Variants in MEI4 observed in about 807,000 individuals in gnomAD.
MEI4 encodes the protein meiosis-specific protein MEI4.
MEI4 carries 27 observed loss-of-function variants against 31.4 expected under a neutral mutation model. The observed-to-expected ratio is 0.86, with a 90% confidence interval of 0.63 to 1.19. The LOEUF is 1.19. Ranked by LOEUF, MEI4 falls within the 50% of genes most tolerant of loss-of-function variation. The probability of loss-of-function intolerance (pLI) is 0.00; values close to 1 mark genes in which losing one functional copy is unlikely to be tolerated. For missense variants in MEI4, 329 were observed against 398.9 expected (o/e 0.82, Z 1.49); for synonymous variants, 122 against 145.4 (o/e 0.84, Z 1.16).
intron 3 of MEI4, among the ~76,000 whole-genome samples, chr6:77,818,527 G>C (rs564384306): frequency 6.6e-6 from 1 of 152,068 alleles, no homozygotes; most frequent in East Asian, 1.9e-4. Context: ...CCTGGTCTTT[G>C]TAAATATACA....
At chr6:77,911,666 A>G (rs901871398) in intron 4 of MEI4, among the ~76,000 whole-genome samples, 25 of 150,394 alleles carry the variant, frequency 1.7e-4, no homozygotes, top group Middle Eastern at 3.6e-3. Context: ...TATAGCTGCA[A>G]TAGTATTCCA....
At chr6:77,853,830 GT>G (rs1770689449) in intron 4 of MEI4, among the ~76,000 whole-genome samples, 1 of 152,160 alleles carries the variant, frequency 6.6e-6, no homozygotes. Flanking sequence ...TTAGAGATCT[GT>G]TTTTGATTAT....
At chr6:77,746,465 C>G (rs1279214920) in intron 2 of MEI4, among the ~76,000 whole-genome samples, 2 of 152,066 alleles carry the variant, frequency 1.3e-5, no homozygotes, top group African/African-American at 4.8e-5. Flanking sequence ...TGGCATTTAT[C>G]CTGCTTTCAC....
chr6:77,710,719 G>A (rs1766445095), intron 2 of MEI4, among the ~76,000 whole-genome samples: 1 of 152,074 alleles, frequency 6.6e-6, no homozygotes, highest in Non-Finnish European at 1.5e-5. Flanking sequence ...AATCATTTGG[G>A]GAGCTGTTAA....
At chr6:77,909,855 C>A (rs1264474645) in intron 4 of MEI4, among the ~76,000 whole-genome samples, 1 of 152,156 alleles carries the variant, frequency 6.6e-6, no homozygotes, top group Non-Finnish European at 1.5e-5. Context: ...AAAAGCTTAT[C>A]CACCATGATC....
rs533836201 is a variant in MEI4, at chr6:77,925,858, A to G, written c.*2512A>G. 4 of 149,428 alleles carry G rather than the reference A, an allele frequency of 2.7e-5. No individual in the cohort carries two copies. In the East Asian group the frequency reaches 7.8e-4, roughly 29 times the overall value. 9.3% of individuals were successfully genotyped at this position (149,428 alleles called of 1,614,324 possible). A position where few individuals can be genotyped will look rare whatever the true frequency, so the allele number is the denominator to read the frequency against. ...TATATGAATAAGTAATATTATACATATATATACGATATGTATAATAAATAC... is the reference window on the plus strand; with the variant it reads ...TATATGAATAAGTAATATTATACATGTATATACGATATGTATAATAAATAC... On this transcript the variant is annotated 3_prime_UTR_variant, in exon 5 of 5. Transcript: ENST00000684080.
At chr6:77,808,673 G>A (rs542361500) in intron 3 of MEI4, among the ~76,000 whole-genome samples, 4 of 152,214 alleles carry the variant, frequency 2.6e-5, no homozygotes, top group African/African-American at 9.6e-5. Flanking sequence ...GCTGTTTTGA[G>A]GGTGTCACAG....
At chr6:77,831,245 T>C (rs1047519169) in intron 4 of MEI4, among the ~76,000 whole-genome samples, 3 of 149,394 alleles carry the variant, frequency 2.0e-5, no homozygotes, top group African/African-American at 7.4e-5. Context: ...AAAAGACAAA[T>C]AGTAACAAAT....
At chr6:77,710,214 C>T (rs909642019) in intron 2 of MEI4, among the ~76,000 whole-genome samples, 1 of 152,024 alleles carries the variant, frequency 6.6e-6, no homozygotes, top group Non-Finnish European at 1.5e-5. Flanking sequence ...TTCCGGCAGG[C>T]CTGTAGTAGT....
chr6:77,823,129 C>G (rs2127709294), intron 3 of MEI4, among the ~76,000 whole-genome samples: 1 of 152,094 alleles, frequency 6.6e-6, no homozygotes, highest in South Asian at 2.1e-4. Context: ...ATAATCTCCT[C>G]CCTTACAGGG....
chr6:77,859,037 A>T (rs1349548198), intron 4 of MEI4, among the ~76,000 whole-genome samples: 1 of 151,996 alleles, frequency 6.6e-6, no homozygotes, highest in Non-Finnish European at 1.5e-5. Flanking sequence ...CCCACCCTGC[A>T]ACAGGCCCTG....
chr6:77,886,846 T>C (rs1771631707), intron 4 of MEI4, among the ~76,000 whole-genome samples: 1 of 152,200 alleles, frequency 6.6e-6, no homozygotes, highest in Non-Finnish European at 1.5e-5. Context: ...CTTCTCTCTT[T>C]TTTTCTTTTT....
chr6:77,650,720 C>T (rs1768285074), upstream of MEI4, among the ~76,000 whole-genome samples: 1 of 152,232 alleles, frequency 6.6e-6, no homozygotes, highest in Admixed American at 6.5e-5. Context: ...GTGTATGGAG[C>T]TCCGCACACG....
At chr6:77,894,758 C>T (rs558245416) in intron 4 of MEI4, among the ~76,000 whole-genome samples, 1 of 152,262 alleles carries the variant, frequency 6.6e-6, no homozygotes, top group African/African-American at 2.4e-5. Flanking sequence ...AGTATACCTG[C>T]TCACTTTGGT....
chr6:77,887,289 TTTCTTTTTTA>T (rs1182624823), intron 4 of MEI4, among the ~76,000 whole-genome samples: 1 of 152,030 alleles, frequency 6.6e-6, no homozygotes, highest in Non-Finnish European at 1.5e-5. Context: ...ATTTATTTCT[TTTCTTTTTTA>T]TTCTTTTTTG....
At chr6:77,798,160 T>A (rs953815220) in intron 3 of MEI4, among the ~76,000 whole-genome samples, 7 of 151,828 alleles carry the variant, frequency 4.6e-5, no homozygotes, top group African/African-American at 1.7e-4. Context: ...AAAATCTAAC[T>A]TATAAATATA....
At chr6:77,885,985 T>G (rs770647893) in intron 4 of MEI4, among the ~76,000 whole-genome samples, 18 of 152,190 alleles carry the variant, frequency 1.2e-4, no homozygotes, top group Admixed American at 1.1e-3. Flanking sequence ...TGTTGCATTA[T>G]TCTTACATCT....
In MEI4 at chr6:77,675,243, T is replaced by G. The variant is rs144123273; in HGVS notation, c.-14-15415T>G. 2.4e-3 allele frequency among the ~76,000 whole-genome samples: 373 copies of G among 152,272 alleles called. 3 individuals carry two copies. Among genetic ancestry groups the G allele is most frequent in the African/African-American group, 8.3e-3 (344 of 41,564 alleles). On this transcript the variant is annotated intron_variant, in intron 1 of 4. Transcript: ENST00000684080. ...ATGGATTATCTTTTCTTTATTAATT[T>G]ATAGGTACTCTTTAGATACTAGGAA...
At chr6:77,702,817 A>C (rs1369941501) in intron 2 of MEI4, among the ~76,000 whole-genome samples, 4 of 152,032 alleles carry the variant, frequency 2.6e-5, no homozygotes, top group Admixed American at 1.3e-4. Context: ...AATTTCTTCC[A>C]CTTATTTGAA....
Sources: gnomAD v4.1 joint callset for allele counts (sites outside exome capture counted in the v4.1 genomes callset) on GRCh38, gnomAD v4.1.1 for gene constraint, MANE v1.5 for transcripts, NCBI Gene and HGNC (gene_info 2026-07-23, HGNC 2026-07-21) for gene names.